The following SLC24A2 variants were observed in gnomAD, a reference collection of about 807,000 sequenced individuals.
SLC24A2 encodes solute carrier family 24 member 2.
SLC24A2 carries 36 observed loss-of-function variants against 62.0 expected under a neutral mutation model. The ratio of observed to expected loss-of-function variants is 0.58; its 90% CI spans 0.44 to 0.77. The LOEUF (loss-of-function observed/expected upper bound fraction) is 0.77. SLC24A2 is among the 30% of genes least tolerant of loss of function. The pLI, the probability that SLC24A2 is intolerant of heterozygous loss-of-function variation, is 0.00. For synonymous variants in SLC24A2, 358 were observed against 294.0 expected (o/e 1.22, Z -2.23); for missense variants, 846 against 817.9 (o/e 1.03, Z -0.42).
the SLC24A2 span, among the ~76,000 whole-genome samples, chr9:20,263,071 C>A: frequency 3.9e-5 from 6 of 152,154 alleles, no homozygotes; most frequent in South Asian, 2.1e-4. Context: ...TCCACTGGAG[C>A]CTGCACCTGT....
At chr9:20,022,222 C>A in the SLC24A2 span, among the ~76,000 whole-genome samples, 1 of 152,086 alleles carries the variant, frequency 6.6e-6, no homozygotes, top group Non-Finnish European at 1.5e-5. Context: ...CTTCTCTATA[C>A]CACCCACGAA....
the SLC24A2 span, among the ~76,000 whole-genome samples, chr9:20,005,501 T>C: frequency 1.7e-4 from 26 of 152,048 alleles, no homozygotes; most frequent in Middle Eastern, 0.01. Context: ...TAAGATTAAG[T>C]ATCTTGCTTA....
At chr9:19,755,011 T>C (rs1019624409) in intron 2 of SLC24A2, among the ~76,000 whole-genome samples, 3 of 152,156 alleles carry the variant, frequency 2.0e-5, no homozygotes, top group African/African-American at 7.2e-5. Flanking sequence ...TAGACTGATA[T>C]ACCTCTCTAA....
At chr9:20,307,240 CTT>C in the SLC24A2 span, among the ~76,000 whole-genome samples, 5 of 152,174 alleles carry the variant, frequency 3.3e-5, no homozygotes, top group Non-Finnish European at 7.3e-5. Context: ...TTTGCCACCT[CTT>C]TCTCTGCTTT....
At chr9:20,015,942 T>C in the SLC24A2 span, among the ~76,000 whole-genome samples, 1 of 152,242 alleles carries the variant, frequency 6.6e-6, no homozygotes, top group East Asian at 1.9e-4. Flanking sequence ...AAGGGATCAC[T>C]ACTAGATTAT....
At chr9:20,156,753 T>A in the SLC24A2 span, among the ~76,000 whole-genome samples, 2 of 151,802 alleles carry the variant, frequency 1.3e-5, no homozygotes, top group African/African-American at 4.8e-5. Flanking sequence ...TTTATCTGTG[T>A]ATTAGAGTCT....
chr9:19,970,951 C>T, the SLC24A2 span, among the ~76,000 whole-genome samples: 1 of 152,152 alleles, frequency 6.6e-6, no homozygotes, highest in Non-Finnish European at 1.5e-5. Context: ...GATCATACTC[C>T]TATGTCCATT....
the SLC24A2 span, among the ~76,000 whole-genome samples, chr9:19,811,054 C>T: frequency 2.0e-5 from 3 of 152,098 alleles, no homozygotes; most frequent in Non-Finnish European, 2.9e-5. Context: ...TCATTTGCCC[C>T]ACAAAATTCA....
At chr9:20,262,320 CAGCAGCCGA>C in the SLC24A2 span, among the ~76,000 whole-genome samples, 1 of 152,142 alleles carries the variant, frequency 6.6e-6, no homozygotes, top group African/African-American at 2.4e-5. Flanking sequence ...GAGTTATTCC[CAGCAGCCGA>C]AGTTTCCTTG....
At chr9:19,775,796 T>G (rs376961956) in intron 2 of SLC24A2, among the ~76,000 whole-genome samples, 1 of 152,174 alleles carries the variant, frequency 6.6e-6, no homozygotes. Context: ...GCTCATTCAG[T>G]AGAGTGATGT....
the SLC24A2 span, among the ~76,000 whole-genome samples, chr9:19,965,107 C>G: frequency 0.078 from 11,878 of 151,980 alleles, 656 homozygotes; most frequent in Middle Eastern, 0.13. Context: ...CGAGAAAGAG[C>G]GTTGGAGGCA....
chr9:19,747,890 T>C (rs185018303), intron 2 of SLC24A2, among the ~76,000 whole-genome samples: 2 of 152,312 alleles, frequency 1.3e-5, no homozygotes, highest in East Asian at 1.9e-4. Context: ...ATTTTCATTT[T>C]ATATATGAGG....
At chr9:20,179,315 T>C in the SLC24A2 span, among the ~76,000 whole-genome samples, 1 of 152,078 alleles carries the variant, frequency 6.6e-6, no homozygotes, top group Non-Finnish European at 1.5e-5. Context: ...CCATACCCTA[T>C]AGCTTGACCA....
chr9:20,188,163 CAG>C, the SLC24A2 span, among the ~76,000 whole-genome samples: 1 of 152,334 alleles, frequency 6.6e-6, no homozygotes, highest in African/African-American at 2.4e-5. Flanking sequence ...CTGCTACAAA[CAG>C]TGTCCATGCG....
At chr9:20,069,529 G>A in the SLC24A2 span, among the ~76,000 whole-genome samples, 2 of 152,144 alleles carry the variant, frequency 1.3e-5, no homozygotes, top group Non-Finnish European at 2.9e-5. Context: ...TCAACAAACA[G>A]AACATTGCTG....
chr9:19,882,195 C>T, the SLC24A2 span, among the ~76,000 whole-genome samples: 1 of 151,962 alleles, frequency 6.6e-6, no homozygotes, highest in South Asian at 2.1e-4. Context: ...AATATTATAC[C>T]AATACAAGAT....
chr9:19,893,106 G>A, the SLC24A2 span, among the ~76,000 whole-genome samples: 1 of 152,158 alleles, frequency 6.6e-6, no homozygotes, highest in Non-Finnish European at 1.5e-5. Flanking sequence ...TCCCATTTTG[G>A]TCCAGCATGT....
chr9:19,533,319 G>C (rs1833795939), intron 8 of SLC24A2, among the ~76,000 whole-genome samples: 1 of 152,166 alleles, frequency 6.6e-6, no homozygotes, highest in Admixed American at 6.6e-5. Context: ...CTCTCCGTAT[G>C]TATTTTCTCA....
the SLC24A2 span, among the ~76,000 whole-genome samples, chr9:20,045,734 T>TC: frequency 6.6e-6 from 1 of 152,104 alleles, no homozygotes; most frequent in Non-Finnish European, 1.5e-5. Flanking sequence ...CTGGGCCACA[T>TC]GTTATTAATA....
Sources: allele counts gnomAD v4.1 joint callset (sites outside exome capture counted in the v4.1 genomes callset), GRCh38; gene constraint gnomAD v4.1.1; transcripts MANE v1.5; gene names NCBI Gene and HGNC (gene_info 2026-07-23, HGNC 2026-07-21).